Variants in DUSP22 observed in about 807,000 individuals in gnomAD.
The protein encoded by DUSP22 is dual specificity phosphatase 22.
In DUSP22, 24 loss-of-function variants were observed where a neutral mutation model predicts 24.5. That is an observed-to-expected ratio of 0.98 (90% CI 0.71 to 1.38). The LOEUF (loss-of-function observed/expected upper bound fraction) is 1.38, where lower values mean the gene tolerates loss of function less well. Ranked by LOEUF, DUSP22 falls within the 40% of genes most tolerant of loss-of-function variation. The pLI, the probability that DUSP22 is intolerant of heterozygous loss-of-function variation, is 0.00. For synonymous variants in DUSP22, 160 were observed against 106.4 expected (o/e 1.50, Z -3.10); for missense variants, 330 against 269.2 (o/e 1.23, Z -1.58).
chr6:341,752 T>C (rs1039864519), intron 4 of DUSP22, among the ~76,000 whole-genome samples: 1 of 152,306 alleles, frequency 6.6e-6, no homozygotes, highest in Non-Finnish European at 1.5e-5. Context: ...CTGTGGGCTC[T>C]ACTGGACTTA....
At chr6:305,162 A>C (rs932586838) in intron 2 of DUSP22, among the ~76,000 whole-genome samples, 1 of 152,304 alleles carries the variant, frequency 6.6e-6, no homozygotes, top group African/African-American at 2.4e-5. Context: ...TAGACTTCTC[A>C]TGGGTGAGAT....
chr6:294,787 TGAGA>T (rs1436980694), intron 1 of DUSP22, among the ~76,000 whole-genome samples: 6 of 152,142 alleles, frequency 3.9e-5, no homozygotes, highest in Non-Finnish European at 7.4e-5. Flanking sequence ...TGTGTGGGGG[TGAGA>T]GAGAGAACAA....
rs565845050 is a variant in DUSP22 at position 314,457 on chromosome 6, A to G, written c.138+2495A>G. On this transcript the variant is annotated intron_variant, in intron 3 of 6. Transcript: ENST00000419235. Reference sequence around the variant, plus strand: ...TACACTGTGGATACTTCTTTGGGTCATTTCCAACAAACATCTCAATGAGTT... The same window carrying G: ...TACACTGTGGATACTTCTTTGGGTCGTTTCCAACAAACATCTCAATGAGTT... Among the ~76,000 whole-genome samples, 4 of 152,424 alleles carry G rather than the reference A, an allele frequency of 2.6e-5. No individual in the cohort carries two copies. The South Asian group carries it at 8.3e-4, about 32-fold the overall frequency.
chr6:346,778 CTG>C (rs1335208248), intron 5 of DUSP22, among the ~76,000 whole-genome samples: 28 of 152,420 alleles, frequency 1.8e-4, no homozygotes, highest in African/African-American at 6.5e-4. Context: ...CTCTTTAGGA[CTG>C]TGAAGTGATA....
At chr6:337,428 G>A (rs1168710561) in intron 4 of DUSP22, among the ~76,000 whole-genome samples, 1 of 152,302 alleles carries the variant, frequency 6.6e-6, no homozygotes, top group African/African-American at 2.4e-5. Flanking sequence ...AGAAAAGGTA[G>A]TTGCAATAAC....
rs1760154033 is a variant in DUSP22, at chr6:350,619, C to G, written c.*1668C>G. The G allele has an allele frequency of 6.9e-7, 1 of 1,450,270 alleles. No homozygotes were observed. The highest frequency in any genetic ancestry group is 2.5e-5 in the Admixed American group (1 of 39,426). 89.8% of individuals were successfully genotyped at this position (1,450,270 alleles called of 1,614,324 possible). On this transcript the variant is annotated 3_prime_UTR_variant, in exon 7 of 7. Coordinates refer to ENST00000419235, the MANE Select transcript of DUSP22 (RefSeq NM_001286555.3). ...GGAAAGGGGAGTGTGGCTGTAGAAT[C>G]ATCCATCCGTCTACAGCTAAAACAA...
intron 4 of DUSP22, among the ~76,000 whole-genome samples, chr6:338,536 G>A (rs564808826): frequency 0.018 from 2,800 of 151,608 alleles, 2 homozygotes; most frequent in Non-Finnish European, 0.027. Flanking sequence ...ATGGTCAGAC[G>A]ACAAATATTC....
chr6:348,017 T>G, intron 5 of DUSP22, 86 bp from the exon 6 acceptor site: 1 of 1,566,474 alleles, frequency 6.4e-7, no homozygotes, highest in East Asian at 2.2e-5. Flanking sequence ...AACAAGGTCC[T>G]TAGAGTCCCC....
chr6:328,362 G>A (rs1758982015), intron 3 of DUSP22, among the ~76,000 whole-genome samples: 1 of 152,310 alleles, frequency 6.6e-6, no homozygotes, highest in South Asian at 2.1e-4. Context: ...CTGGCTGGAG[G>A]AAATCCAACA....
intron 2 of DUSP22, among the ~76,000 whole-genome samples, chr6:308,483 C>T (rs1757925146): frequency 1.4e-5 from 1 of 68,966 alleles, no homozygotes; most frequent in South Asian, 6.4e-4. Flanking sequence ...GGAAAGGATG[C>T]ATCAGCGAAC....
chr6:311,753 C>A (rs1334040692), intron 2 of DUSP22, 127 bp from the exon 3 acceptor site: 4 of 984,632 alleles, frequency 4.1e-6, no homozygotes, highest in Admixed American at 6.2e-5. Flanking sequence ...CATGTATGGT[C>A]AGTTATGAAG....
chr6:333,875 T>C (rs575705980), intron 3 of DUSP22, among the ~76,000 whole-genome samples: 1 of 152,408 alleles, frequency 6.6e-6, no homozygotes, highest in South Asian at 2.1e-4. Context: ...GCGAGGGAGG[T>C]TGGGACATGA....
intron 3 of DUSP22, among the ~76,000 whole-genome samples, chr6:314,612 C>T (rs1758260233): frequency 6.6e-6 from 1 of 152,306 alleles, no homozygotes; most frequent in Non-Finnish European, 1.5e-5. Context: ...GTTTAGAAAA[C>T]TTAGCACACT....
intron 1 of DUSP22, among the ~76,000 whole-genome samples, chr6:304,405 G>A (rs1043127962): frequency 1.3e-5 from 2 of 152,308 alleles, no homozygotes; most frequent in African/African-American, 2.4e-5. Flanking sequence ...TGAGGATGAC[G>A]GGGTCGAAGC....
chr6:303,820 C>T (rs540897731), intron 1 of DUSP22, among the ~76,000 whole-genome samples: 82 of 152,396 alleles, frequency 5.4e-4, no homozygotes, highest in South Asian at 1.4e-3. Context: ...TTCTCATTGC[C>T]GACCTGCTAA....
intron 3 of DUSP22, among the ~76,000 whole-genome samples, chr6:328,062 T>C (rs556360651): frequency 1.5e-3 from 228 of 152,292 alleles, no homozygotes; most frequent in African/African-American, 5.3e-3. Context: ...AATTTTTCCC[T>C]GGTGATACGT....
Position 350,772 on chromosome 6 carries a change from C to G in DUSP22, c.*1821C>G. ...AACCTCTCAGTGTATTCTTGGAGTT[C>G]TTGAAATGTTGTTTTAATATTTGTT... On this transcript the variant is annotated 3_prime_UTR_variant, in exon 7 of 7. Transcript: ENST00000419235. 1 of 1,614,122 alleles carries G rather than the reference C, an allele frequency of 6.2e-7. No individual in the cohort carries two copies. The highest frequency in any genetic ancestry group is 8.5e-7 in the Non-Finnish European group (1 of 1,179,966).
At position 311,917 on chromosome 6, in the gene DUSP22, GAC is replaced by G; in HGVS notation, c.97_98del (p.His33TyrfsTer7). The G allele has an allele frequency of 6.2e-7, 1 of 1,612,742 alleles. No individual in the cohort carries two copies. The highest frequency in any genetic ancestry group is 8.5e-7 in the Non-Finnish European group (1 of 1,179,176). ...CGGAACAATTGAGCAAGAACAAGGTGACACATATTCTGTCTGTCCACGATAGT... is the reference window on the plus strand; with the variant it reads ...CGGAACAATTGAGCAAGAACAAGGTGACATATTCTGTCTGTCCACGATAGT... ...DAEQLSKNKVTHILSVHDSAR... is the reference protein window; with the variant it reads ...DAEQLSKNKVXHILSVHDSAR... On this transcript the variant is annotated frameshift_variant, in exon 3 of 7. Coordinates refer to ENST00000419235, the MANE Select transcript of DUSP22 (RefSeq NM_001286555.3). LOFTEE classifies it high-confidence loss of function.
At chr6:315,302 C>A (rs111347310) in intron 3 of DUSP22, among the ~76,000 whole-genome samples, 2,069 of 151,510 alleles carry the variant, frequency 0.014, no homozygotes, top group African/African-American at 0.047. Context: ...TGCTCTCTGT[C>A]GGAGACAGAA....
Sources: allele counts gnomAD v4.1 joint callset (sites outside exome capture counted in the v4.1 genomes callset), GRCh38; gene constraint gnomAD v4.1.1; transcripts MANE v1.5; gene names NCBI Gene and HGNC (gene_info 2026-07-23, HGNC 2026-07-21).